The following FNDC3A variants were observed in gnomAD, a reference collection of about 807,000 sequenced individuals.
The protein encoded by FNDC3A is fibronectin type III domain containing 3A, also known as fibronectin type-III domain-containing protein 3A.
A neutral mutation model predicts 148.9 loss-of-function variants in FNDC3A; 32 were observed. The ratio of observed to expected loss-of-function variants is 0.21; its 90% CI spans 0.16 to 0.29. FNDC3A has a LOEUF of 0.29. Among genes scored for constraint, FNDC3A ranks in the 10% least tolerant of loss-of-function variants. FNDC3A has a pLI of 1.00. For synonymous variants in FNDC3A, 472 were observed against 473.6 expected, an observed-to-expected ratio of 1.00 and a Z score of 0.04; for missense variants, 1,191 against 1,452.8, an observed-to-expected ratio of 0.82 and a Z score of 2.93.
At chr13:49,134,610 C>CATT (rs965479549) in intron 5 of FNDC3A, among the ~76,000 whole-genome samples, 30 of 151,920 alleles carry the variant, frequency 2.0e-4, no homozygotes, top group African/African-American at 7.2e-4. Flanking sequence ...GTGACTACAC[C>CATT]ATTTTATATT....
At chr13:49,199,565 A>G (rs558148529) in intron 23 of FNDC3A, among the ~76,000 whole-genome samples, 62 of 151,970 alleles carry the variant, frequency 4.1e-4, no homozygotes, top group Non-Finnish European at 8.1e-4. Flanking sequence ...TGACCTCCCG[A>G]TCCACCTGCC....
chr13:49,207,049 C>T (rs770115107), intron 25 of FNDC3A, 32 bp from the exon 26 acceptor site: 3 of 1,519,012 alleles, frequency 2.0e-6, no homozygotes, highest in Admixed American at 1.7e-5. Flanking sequence ...AGCCTTCACA[C>T]GTAATTCTTC....
intron 1 of FNDC3A, among the ~76,000 whole-genome samples, chr13:48,997,201 A>G (rs902517345): frequency 3.3e-5 from 5 of 152,208 alleles, no homozygotes; most frequent in Non-Finnish European, 7.3e-5. Context: ...TTAGACAAAA[A>G]GAGCTGAAGT....
intron 3 of FNDC3A, among the ~76,000 whole-genome samples, chr13:49,111,914 A>G (rs1208943757): frequency 6.6e-6 from 1 of 152,150 alleles, no homozygotes; most frequent in African/African-American, 2.4e-5. Flanking sequence ...CATCACACTT[A>G]GATATAATTA....
At chr13:49,063,870 T>C (rs575163463) in intron 2 of FNDC3A, among the ~76,000 whole-genome samples, 29 of 152,326 alleles carry the variant, frequency 1.9e-4, no homozygotes, top group African/African-American at 6.7e-4. Flanking sequence ...ATAATTCTTC[T>C]ACTTAAAAAT....
At chr13:49,160,355 A>G (rs1483518622) in intron 8 of FNDC3A, among the ~76,000 whole-genome samples, 1 of 152,138 alleles carries the variant, frequency 6.6e-6, no homozygotes, top group African/African-American at 2.4e-5. Context: ...GGGAGGGTGT[A>G]TGTGTCCAGG....
At chr13:49,116,242 C>G (rs570832339) in intron 4 of FNDC3A, among the ~76,000 whole-genome samples, 16 of 152,314 alleles carry the variant, frequency 1.1e-4, no homozygotes, top group African/African-American at 3.8e-4. Flanking sequence ...AGGTGCTTCT[C>G]CCTTTGGGCT....
intron 1 of FNDC3A, among the ~76,000 whole-genome samples, chr13:48,998,653 A>G (rs1295622550): frequency 6.6e-6 from 1 of 152,216 alleles, no homozygotes; most frequent in Admixed American, 6.5e-5. Context: ...GAAGAGAGAA[A>G]TGAATTGAAG....
At chr13:49,094,242 G>A (rs183180541) in intron 3 of FNDC3A, among the ~76,000 whole-genome samples, 49 of 152,100 alleles carry the variant, frequency 3.2e-4, no homozygotes, top group African/African-American at 1.1e-3. Context: ...AACAATAGGC[G>A]TAAAAGGTGT....
At chr13:49,024,407 A>G (rs1566198520) in intron 2 of FNDC3A, among the ~76,000 whole-genome samples, 1 of 151,968 alleles carries the variant, frequency 6.6e-6, no homozygotes, top group African/African-American at 2.4e-5. Context: ...CCGAAACTGT[A>G]CAAGGACACA....
intron 3 of FNDC3A, among the ~76,000 whole-genome samples, chr13:49,101,020 G>A (rs1273289788): frequency 6.6e-6 from 1 of 152,126 alleles, no homozygotes; most frequent in African/African-American, 2.4e-5. Flanking sequence ...TATCTGGTGA[G>A]ATATGCAGGT....
At chr13:49,201,471 T>C (rs1193456054) in intron 23 of FNDC3A, among the ~76,000 whole-genome samples, 2 of 152,126 alleles carry the variant, frequency 1.3e-5, no homozygotes, top group African/African-American at 4.8e-5. Context: ...TCTGAGCATC[T>C]TTTAAAATGT....
At chr13:49,171,202 A>G (rs1351267298) in intron 10 of FNDC3A, among the ~76,000 whole-genome samples, 1 of 152,232 alleles carries the variant, frequency 6.6e-6, no homozygotes, top group Non-Finnish European at 1.5e-5. Context: ...TTAACAAATA[A>G]TTTAGACCTC....
intron 4 of FNDC3A, among the ~76,000 whole-genome samples, chr13:49,116,863 A>G (rs917581520): frequency 1.3e-5 from 2 of 152,108 alleles, no homozygotes; most frequent in African/African-American, 4.8e-5. Flanking sequence ...CTCATTGGGC[A>G]GGTAAGATTT....
chr13:49,034,154 AG>A (rs1249864383), intron 2 of FNDC3A, among the ~76,000 whole-genome samples: 1 of 152,054 alleles, frequency 6.6e-6, no homozygotes, highest in Non-Finnish European at 1.5e-5. Context: ...ATTTGAATAT[AG>A]AATTTCAGAG....
At chr13:49,201,676 T>A (rs546614059) in intron 23 of FNDC3A, 124 bp from the exon 24 acceptor site, 1 of 433,744 alleles carries the variant, frequency 2.3e-6, no homozygotes, top group Non-Finnish European at 4.1e-6. Context: ...GGCATCAAAC[T>A]TTTGGGGTAA....
At chr13:49,160,102 G>A (rs553758242) in intron 8 of FNDC3A, among the ~76,000 whole-genome samples, 1 of 150,938 alleles carries the variant, frequency 6.6e-6, no homozygotes, top group South Asian at 2.1e-4. Flanking sequence ...GTCTCTGCCC[G>A]GCTTTGGTAT....
intron 8 of FNDC3A, among the ~76,000 whole-genome samples, chr13:49,162,193 G>A (rs745886177): frequency 2.0e-5 from 3 of 152,216 alleles, no homozygotes; most frequent in Admixed American, 1.3e-4. Flanking sequence ...ATAATATCCT[G>A]AAGAGTGTTT....
intron 3 of FNDC3A, among the ~76,000 whole-genome samples, chr13:49,089,043 G>GT (rs961901726): frequency 3.3e-5 from 5 of 152,192 alleles, no homozygotes; most frequent in African/African-American, 1.2e-4. Flanking sequence ...GGAGGGAAGA[G>GT]TGGAGAGTTA....
Sources: gnomAD v4.1 joint callset for allele counts (sites outside exome capture counted in the v4.1 genomes callset) on GRCh38, gnomAD v4.1.1 for gene constraint, MANE v1.5 for transcripts, NCBI Gene and HGNC (gene_info 2026-07-23, HGNC 2026-07-21) for gene names.